Variants in LY96 observed in about 807,000 individuals in gnomAD.
The protein encoded by LY96 is myeloid differentiation protein-2.
LY96 carries 18 observed loss-of-function variants against 18.9 expected under a neutral mutation model. The ratio of observed to expected loss-of-function variants is 0.95; its 90% CI spans 0.66 to 1.41. LY96 has a LOEUF of 1.41. Ranked by LOEUF, LY96 falls within the 40% of genes most tolerant of loss-of-function variation. LY96 has a pLI of 0.00. For synonymous variants in LY96, 66 were observed against 62.6 expected (o/e 1.06, Z -0.26); for missense variants, 175 against 182.4 (o/e 0.96, Z 0.23).
chr8:74,087,508 G>A, the LY96 span, among the ~76,000 whole-genome samples: 3 of 152,122 alleles, frequency 2.0e-5, no homozygotes, highest in Non-Finnish European at 4.4e-5. Flanking sequence ...TTGGAATCCC[G>A]GGGTCCCACC....
At chr8:74,075,066 G>A in the LY96 span, among the ~76,000 whole-genome samples, 13 of 152,296 alleles carry the variant, frequency 8.5e-5, no homozygotes, top group Admixed American at 6.5e-4. Context: ...AGATGTGTCC[G>A]ATGCTGAAAG....
intron 2 of LY96, among the ~76,000 whole-genome samples, chr8:74,006,823 G>A (rs959250758): frequency 1.3e-5 from 2 of 152,090 alleles, no homozygotes; most frequent in South Asian, 2.1e-4. Flanking sequence ...GCCCTTACTC[G>A]CAGGAAACAG....
At chr8:74,032,433 A>G (rs1816986080), downstream of LY96, among the ~76,000 whole-genome samples, 1 of 152,238 alleles carries the variant, frequency 6.6e-6, no homozygotes, top group South Asian at 2.1e-4. Flanking sequence ...CATTGTATGG[A>G]AAAGCATTGT....
At chr8:74,004,725 G>C in intron 1 of LY96, 71 bp from the exon 2 acceptor site, 1 of 1,332,894 alleles carries the variant, frequency 7.5e-7, no homozygotes, top group Non-Finnish European at 1.0e-6. Flanking sequence ...TTAAAAGGCT[G>C]ATATTCAGAA....
the LY96 span, among the ~76,000 whole-genome samples, chr8:74,049,525 G>A: frequency 6.6e-6 from 1 of 152,030 alleles, no homozygotes. Flanking sequence ...AGGTTGATGC[G>A]GCTGATTTCA....
chr8:74,010,248 C>A, intron 3 of LY96, 119 bp downstream of exon 3: 1 of 967,942 alleles, frequency 1.0e-6, no homozygotes, highest in Non-Finnish European at 1.6e-6. Context: ...TTTTTCCATC[C>A]AAAGTTTTTA....
the LY96 span, among the ~76,000 whole-genome samples, chr8:74,079,226 G>A: frequency 0.056 from 8,484 of 152,226 alleles, 310 homozygotes; most frequent in African/African-American, 0.11. Context: ...TGGTTCTGAT[G>A]CCCTCACACT....
the LY96 span, among the ~76,000 whole-genome samples, chr8:74,045,796 G>A: frequency 2.6e-5 from 4 of 152,162 alleles, no homozygotes; most frequent in Non-Finnish European, 5.9e-5. Context: ...AACTAGACCA[G>A]CTGGAAGTAA....
intron 1 of LY96, among the ~76,000 whole-genome samples, chr8:73,996,355 TCC>T (rs1491254890): frequency 7.5e-4 from 99 of 131,264 alleles, no homozygotes; most frequent in African/African-American, 2.7e-3. Context: ...CTTCCTTCCT[TCC>T]TTCCTTCCTT....
intron 3 of LY96, among the ~76,000 whole-genome samples, chr8:74,019,196 G>C (rs991587526): frequency 6.6e-6 from 1 of 151,990 alleles, no homozygotes; most frequent in African/African-American, 2.4e-5. Context: ...GAAGAAAAGA[G>C]AGAAGAATCA....
chr8:74,054,616 CCTT>C, the LY96 span, among the ~76,000 whole-genome samples: 1 of 88,704 alleles, frequency 1.1e-5, no homozygotes, highest in Non-Finnish European at 2.1e-5. Context: ...GTTTCCTTTT[CCTT>C]CTTTCTTTCT....
the LY96 span, among the ~76,000 whole-genome samples, chr8:74,061,584 A>C: frequency 6.6e-6 from 1 of 152,212 alleles, no homozygotes; most frequent in African/African-American, 2.4e-5. Context: ...GTTAATTATA[A>C]TGTATATTTC....
chr8:74,049,133 C>T, the LY96 span, among the ~76,000 whole-genome samples: 1 of 152,172 alleles, frequency 6.6e-6, no homozygotes, highest in East Asian at 1.9e-4. Flanking sequence ...GACTGTATCT[C>T]CACAAGAGCA....
the LY96 span, among the ~76,000 whole-genome samples, chr8:74,069,226 A>T: frequency 2.6e-5 from 4 of 152,206 alleles, no homozygotes; most frequent in Admixed American, 2.6e-4. Context: ...CCTGAAGTTT[A>T]ATCTATTTTT....
chr8:74,067,231 A>G, the LY96 span, among the ~76,000 whole-genome samples: 7,112 of 152,002 alleles, frequency 0.047, 419 homozygotes, highest in African/African-American at 0.13. Context: ...ATATGTATGT[A>G]TGTACGTATT....
the LY96 span, among the ~76,000 whole-genome samples, chr8:74,036,652 A>G: frequency 6.6e-6 from 1 of 152,314 alleles, no homozygotes; most frequent in African/African-American, 2.4e-5. Flanking sequence ...CAAATTGTCC[A>G]TAAAAAATCT....
At chr8:74,022,611 C>G (rs1463747138) in intron 3 of LY96, among the ~76,000 whole-genome samples, 1 of 147,060 alleles carries the variant, frequency 6.8e-6, no homozygotes, top group South Asian at 2.2e-4. Flanking sequence ...CAGGGTCTCG[C>G]CCTGTCGCCC....
intron 3 of LY96, among the ~76,000 whole-genome samples, chr8:74,024,398 G>T (rs1475745511): frequency 1.3e-5 from 2 of 150,912 alleles, no homozygotes; most frequent in Admixed American, 1.3e-4. Flanking sequence ...ATATTCACAA[G>T]GTATGAATAT....
the LY96 span, among the ~76,000 whole-genome samples, chr8:74,073,325 G>A: frequency 6.6e-6 from 1 of 152,204 alleles, no homozygotes; most frequent in Non-Finnish European, 1.5e-5. Context: ...ACAGATGTAT[G>A]TGAGGGAAAG....
Sources: gnomAD v4.1 joint callset for allele counts (sites outside exome capture counted in the v4.1 genomes callset) on GRCh38, gnomAD v4.1.1 for gene constraint, MANE v1.5 for transcripts, NCBI Gene and HGNC (gene_info 2026-07-23, HGNC 2026-07-21) for gene names.